The following BRINP2 variants were observed in gnomAD, a reference collection of about 807,000 sequenced individuals.
The protein encoded by BRINP2 is BMP/retinoic acid-inducible neural-specific protein 2.
In BRINP2, 21 loss-of-function variants were observed where a neutral mutation model predicts 69.2. The observed-to-expected ratio is 0.30, with a 90% CI of 0.22 to 0.44. The LOEUF (loss-of-function observed/expected upper bound fraction) is 0.44. Among genes scored for constraint, BRINP2 ranks in the 20% least tolerant of loss-of-function variants. The probability of loss-of-function intolerance (pLI) is 1.00; values close to 1 mark genes in which losing one functional copy is unlikely to be tolerated. For synonymous variants in BRINP2, 380 were observed against 394.1 expected (o/e 0.96, Z 0.42); for missense variants, 877 against 986.0 (o/e 0.89, Z 1.48).
chr1:177,231,969 AT>A (rs953456091), intron 2 of BRINP2, among the ~76,000 whole-genome samples: 6 of 152,204 alleles, frequency 3.9e-5, no homozygotes, highest in Non-Finnish European at 8.8e-5. Context: ...TTATTAAAGA[AT>A]TTTTTTCAAT....
Position 177,281,437 on chromosome 1 carries a change from A to C in BRINP2, c.2261A>C (p.Asn754Thr), listed in dbSNP as rs773383120. Residue 754 changes from asparagine to threonine, a missense_variant, in exon 8 of 8, where the codon AAT (asparagine) becomes ACT (threonine). Around this residue, in one of 3 missense-constraint regions of BRINP2, gnomAD observed 225 missense variants for 218.7 expected, o/e 1.03. Transcript: ENST00000361539. ...CGGCATCGGCTTAAGCTGGCCAACA[A>C]TGAGGTGGGCAGGATCCAGTCCTCC... ...LLRHRLKLAN[N>T]EVGRIQSSLR... 6.2e-7 allele frequency: 1 copy of C among 1,614,020 alleles called. No homozygotes were observed. The highest frequency in any genetic ancestry group is 1.1e-5 in the South Asian group (1 of 91,084).
Position 177,230,063 on chromosome 1 carries a change from G to A in BRINP2, c.187G>A (p.Gly63Ser), listed in dbSNP as rs1558168096. ...HPLDWLLTDR[G>S]PFHRAQEYAD... ...CCTGGACTGGCTGCTCACAGACCGG[G>A]GCCCCTTCCACCGCGCTCAGGAGTA... Residue 63 changes from glycine (G) to serine (S), a missense_variant, in exon 2 of 8, where the codon GGC becomes AGC. Physicochemically the swap from Gly to Ser is moderately conservative, Grantham distance 56. Around this residue, in one of 3 missense-constraint regions of BRINP2, gnomAD observed 566 missense variants for 625.2 expected, o/e 0.91. Transcript: ENST00000361539. 2.5e-6 allele frequency: 4 copies of A among 1,613,848 alleles called. No homozygotes were observed. Among genetic ancestry groups the A allele is most frequent in the Non-Finnish European group, 3.4e-6 (4 of 1,180,026 alleles).
intron 2 of BRINP2, among the ~76,000 whole-genome samples, chr1:177,237,682 G>A (rs1650070906): frequency 1.3e-5 from 2 of 152,142 alleles, no homozygotes; most frequent in Admixed American, 6.5e-5. Flanking sequence ...GATGAGATTT[G>A]GTAAGAGATC....
At chr1:177,269,067 A>AC (rs1651224125) in intron 4 of BRINP2, among the ~76,000 whole-genome samples, 1 of 151,854 alleles carries the variant, frequency 6.6e-6, no homozygotes, top group East Asian at 1.9e-4. Context: ...CTTCACTCCA[A>AC]CCCCCATGTA....
chr1:177,260,515 T>G (rs1022427527), intron 4 of BRINP2, among the ~76,000 whole-genome samples: 4 of 152,196 alleles, frequency 2.6e-5, no homozygotes, highest in African/African-American at 9.6e-5. Flanking sequence ...TAGCGTCACA[T>G]GCTACAGAGA....
chr1:177,201,747 A>G (rs539918795), intron 1 of BRINP2, among the ~76,000 whole-genome samples: 26 of 152,178 alleles, frequency 1.7e-4, no homozygotes, highest in African/African-American at 5.8e-4. Context: ...CTCTTTTTCT[A>G]TTGACTGGAA....
Position 177,220,408 on chromosome 1 carries a change from A to G in BRINP2, c.-76-9393A>G, listed in dbSNP as rs548028129. On this transcript the variant is annotated intron_variant, in intron 1 of 7. Transcript: ENST00000361539. ...GAGCTCTCACTCTGAGTTCACGCCT[A>G]TCTGTGGTTTCAAAGTGTGCAGTAC... Among the ~76,000 whole-genome samples, 23 of 152,048 alleles carry G rather than the reference A, an allele frequency of 1.5e-4. No homozygotes were observed. In the South Asian group the frequency reaches 4.8e-3, roughly 32 times the overall value.
At chr1:177,256,321 TG>T (rs1650755335) in intron 3 of BRINP2, 1 of 985,394 alleles carries the variant, frequency 1.0e-6, no homozygotes, top group South Asian at 4.7e-5. Context: ...GAGGGGAAGT[TG>T]GGTATGGCGG....
chr1:177,201,589 G>T (rs1036347033), intron 1 of BRINP2, among the ~76,000 whole-genome samples: 1 of 152,180 alleles, frequency 6.6e-6, no homozygotes, highest in East Asian at 1.9e-4. Context: ...GCTGGCTGAA[G>T]TTTGCCTGTC....
At chr1:177,233,073 T>G (rs914088856) in intron 2 of BRINP2, among the ~76,000 whole-genome samples, 1 of 152,176 alleles carries the variant, frequency 6.6e-6, no homozygotes, top group Non-Finnish European at 1.5e-5. Flanking sequence ...TACAGCAAGT[T>G]TCTAACATTA....
Position 177,248,844 on chromosome 1 carries a change from A to T in BRINP2, c.270-7075A>T, listed in dbSNP as rs1650483884. 3.3e-5 allele frequency among the ~76,000 whole-genome samples: 5 copies of T among 152,170 alleles called. No individual in the cohort carries two copies. In the South Asian group the frequency reaches 1.0e-3, roughly 32 times the overall value. On this transcript the variant is annotated intron_variant, in intron 2 of 7. Transcript: ENST00000361539. ...TTTATTTACATCTTTTGAATTAGGAACATTTGTAGCCATTTAGTATTCTCA... is the reference window on the plus strand; with the variant it reads ...TTTATTTACATCTTTTGAATTAGGATCATTTGTAGCCATTTAGTATTCTCA...
intron 1 of BRINP2, among the ~76,000 whole-genome samples, chr1:177,192,626 T>G (rs1648625458): frequency 6.6e-6 from 1 of 152,198 alleles, no homozygotes; most frequent in Admixed American, 6.5e-5. Flanking sequence ...GAGTTTCAAC[T>G]TTTATTACTA....
chr1:177,200,201 A>G (rs1204688837), intron 1 of BRINP2, among the ~76,000 whole-genome samples: 1 of 142,962 alleles, frequency 7.0e-6, no homozygotes, highest in Non-Finnish European at 1.5e-5. Flanking sequence ...CTGAGGCAGG[A>G]GAATCGCTTG....
At chr1:177,225,485 C>T (rs917066117) in intron 1 of BRINP2, among the ~76,000 whole-genome samples, 2 of 152,168 alleles carry the variant, frequency 1.3e-5, no homozygotes, top group Non-Finnish European at 2.9e-5. Context: ...CTTACTTATG[C>T]AGTCAGCTTC....
intron 4 of BRINP2, among the ~76,000 whole-genome samples, chr1:177,263,354 A>T (rs1342413960): frequency 6.6e-6 from 1 of 152,206 alleles, no homozygotes; most frequent in Non-Finnish European, 1.5e-5. Context: ...ATAAACTGCA[A>T]TGAGGACAGG....
chr1:177,214,151 G>C (rs998028431), intron 1 of BRINP2, among the ~76,000 whole-genome samples: 2 of 152,164 alleles, frequency 1.3e-5, no homozygotes, highest in African/African-American at 4.8e-5. Flanking sequence ...AGAATTAAAG[G>C]CCGGGTGCGG....
intron 1 of BRINP2, among the ~76,000 whole-genome samples, chr1:177,225,577 G>A (rs920317008): frequency 6.6e-6 from 1 of 152,174 alleles, no homozygotes; most frequent in Non-Finnish European, 1.5e-5. Context: ...TCCACCAGAA[G>A]TTGTGAGGAT....
chr1:177,281,505 G>A lies in BRINP2; in HGVS notation c.2329G>A (p.Glu777Lys). ...TAAGCTGCCAAACCCTGTGGAATATGAGACCGGCAAACTCTGTAGCTAATG... is the reference window on the plus strand; with the variant it reads ...TAAGCTGCCAAACCCTGTGGAATATAAGACCGGCAAACTCTGTAGCTAATG... ...NSKLPNPVEY[E>K]TGKLCS The change falls in exon 8 of 8, where the codon GAG becomes AAG. Residue 777 changes from glutamate to lysine, a missense_variant. By Grantham distance (56) the Glu-to-Lys change is moderately conservative. Transcript: ENST00000361539. The A allele has an allele frequency of 1.9e-6, 3 of 1,607,772 alleles. No homozygotes were observed. Among genetic ancestry groups the A allele is most frequent in the Admixed American group, 1.7e-5 (1 of 59,876 alleles).
chr1:177,171,191 G>A lies in BRINP2; in HGVS notation c.-618G>A, dbSNP rs990755689. Among the ~76,000 whole-genome samples, 7 of 152,248 alleles carry A rather than the reference G, an allele frequency of 4.6e-5. No individual in the cohort carries two copies. The highest frequency in any genetic ancestry group is 1.4e-4 in the African/African-American group (6 of 41,476). On this transcript the variant is annotated 5_prime_UTR_variant, in exon 1 of 8. Coordinates refer to ENST00000361539, the MANE Select transcript of BRINP2 (RefSeq NM_021165.4). ...AGCCGAGGGAGCGGTGAAGCCGGAAGACCTGTCTCTGCCCATGTGCAAGGC... is the reference window on the plus strand; with the variant it reads ...AGCCGAGGGAGCGGTGAAGCCGGAAAACCTGTCTCTGCCCATGTGCAAGGC...
Sources: allele counts gnomAD v4.1 joint callset (sites outside exome capture counted in the v4.1 genomes callset), GRCh38; gene constraint gnomAD v4.1.1; regional missense constraint gnomAD v4.1.1; transcripts MANE v1.5; gene names NCBI Gene and HGNC (gene_info 2026-07-23, HGNC 2026-07-21).